Variants in ITGAV observed in about 807,000 individuals in gnomAD.
ITGAV encodes the protein integrin alpha-V.
In ITGAV, 76 loss-of-function variants were observed where a neutral mutation model predicts 143.8. The ratio of observed to expected loss-of-function variants is 0.53; its 90% CI spans 0.44 to 0.64. The LOEUF is 0.64. Among genes scored for constraint, ITGAV ranks in the 30% least tolerant of loss-of-function variants. The probability of loss-of-function intolerance (pLI) is 0.00; values close to 1 mark genes in which losing one functional copy is unlikely to be tolerated. For synonymous variants in ITGAV, 453 were observed against 446.7 expected (o/e 1.01, Z -0.18); for missense variants, 1,193 against 1,274.7 (o/e 0.94, Z 0.98).
intron 13 of ITGAV, among the ~76,000 whole-genome samples, chr2:186,647,555 C>G (rs1328298195): frequency 6.6e-6 from 1 of 151,662 alleles, no homozygotes; most frequent in Non-Finnish European, 1.5e-5. Context: ...ATTTTTTTTT[C>G]AAGTATATTA....
intron 2 of ITGAV, among the ~76,000 whole-genome samples, chr2:186,618,861 A>G (rs947863292): frequency 2.0e-5 from 3 of 152,198 alleles, no homozygotes; most frequent in Non-Finnish European, 2.9e-5. Context: ...CTCCAAAACT[A>G]CAAATGGAAC....
intron 29 of ITGAV, 49 bp from the exon 30 acceptor site, chr2:186,677,148 G>A (rs200953885): frequency 1.4e-5 from 22 of 1,522,378 alleles, no homozygotes; most frequent in African/African-American, 2.8e-5. Flanking sequence ...AATACTTTTC[G>A]TATTCTACAC....
At chr2:186,668,724 T>C in intron 24 of ITGAV, 38 bp from the exon 25 acceptor site, 1 of 1,593,220 alleles carries the variant, frequency 6.3e-7, no homozygotes. Context: ...AACAGATTTT[T>C]GCCCAAGGTG....
At chr2:186,664,352 A>T in intron 19 of ITGAV, 142 bp from the exon 20 acceptor site, 1 of 745,262 alleles carries the variant, frequency 1.3e-6, no homozygotes, top group Non-Finnish European at 2.1e-6. Context: ...GTTTTCTATC[A>T]AGCTGTGAAG....
chr2:186,617,587 C>T (rs1687401051), intron 2 of ITGAV, among the ~76,000 whole-genome samples: 1 of 152,072 alleles, frequency 6.6e-6, no homozygotes, highest in Non-Finnish European at 1.5e-5. Flanking sequence ...AAGTTTTCCT[C>T]TGTATTTTTG....
chr2:186,625,678 T>TGA (rs1553501192), intron 4 of ITGAV, 91 bp downstream of exon 4: 436 of 452,908 alleles, frequency 9.6e-4, no homozygotes, highest in Middle Eastern at 1.6e-3. Flanking sequence ...TGTGTGTGTG[T>TGA]GAGAGAGAGA....
chr2:186,634,422 A>G (rs763073196), intron 6 of ITGAV, among the ~76,000 whole-genome samples: 3 of 150,934 alleles, frequency 2.0e-5, no homozygotes, highest in Non-Finnish European at 2.9e-5. Context: ...ATTTTACTCT[A>G]TTTTCTACAC....
At chr2:186,676,517 T>A (rs1001565240) in intron 28 of ITGAV, among the ~76,000 whole-genome samples, 1 of 151,954 alleles carries the variant, frequency 6.6e-6, no homozygotes, top group Non-Finnish European at 1.5e-5. Context: ...AGCATGGAGG[T>A]TGCAGTGAGC....
chr2:186,612,700 T>A (rs1046864243), intron 2 of ITGAV, among the ~76,000 whole-genome samples: 11 of 152,204 alleles, frequency 7.2e-5, no homozygotes, highest in African/African-American at 2.4e-4. Context: ...CTCGTTGCAA[T>A]TAAAACACTC....
chr2:186,639,626 G>A (rs993223908), intron 10 of ITGAV, among the ~76,000 whole-genome samples: 1 of 152,140 alleles, frequency 6.6e-6, no homozygotes, highest in African/African-American at 2.4e-5. Flanking sequence ...AGTGGGAAGC[G>A]TGGCTTTTAG....
intron 4 of ITGAV, 125 bp downstream of exon 4, chr2:186,625,712 TATG>T (rs1293307607): frequency 4.6e-5 from 22 of 481,624 alleles, no homozygotes; most frequent in Admixed American, 7.6e-5. Context: ...ATAGACATAT[TATG>T]ATGATAACAA....
chr2:186,624,896 T>C (rs1289241094), intron 3 of ITGAV, among the ~76,000 whole-genome samples: 3 of 152,014 alleles, frequency 2.0e-5, no homozygotes, highest in Non-Finnish European at 4.4e-5. Flanking sequence ...ACCTTTAGCA[T>C]AGCATATTAC....
intron 2 of ITGAV, 152 bp downstream of exon 2, chr2:186,602,303 A>G (rs1036038732): frequency 6.7e-6 from 4 of 597,054 alleles, no homozygotes; most frequent in Admixed American, 7.0e-5. Context: ...GATTTATTAT[A>G]TGATTTTTTC....
chr2:186,601,928 TAATATC>T (rs1255283890), intron 1 of ITGAV, 87 bp from the exon 2 acceptor site: 3 of 1,267,092 alleles, frequency 2.4e-6, no homozygotes, highest in Non-Finnish European at 3.2e-6. Context: ...TATTTATAGA[TAATATC>T]AAGAGAATGA....
intron 5 of ITGAV, among the ~76,000 whole-genome samples, chr2:186,632,427 C>T (rs573450600): frequency 1.3e-3 from 198 of 151,900 alleles, no homozygotes; most frequent in African/African-American, 4.4e-3. Context: ...AGTTCTTTTA[C>T]GTAGCCAAGG....
Position 186,678,302 on chromosome 2 carries a change from CTG to C in ITGAV, c.*1012_*1013del, listed in dbSNP as rs1689268690. On this transcript the variant is annotated 3_prime_UTR_variant, in exon 30 of 30. Coordinates refer to ENST00000261023, the MANE Select transcript of ITGAV (RefSeq NM_002210.5). ...TGTACTTTTCCTTATATTTCCAAAA[CTG>C]TTACTGAGAATGGGTCAAGATCAGT... 1.3e-5 allele frequency: 2 copies of C among 153,718 alleles called. No homozygotes were observed. Among genetic ancestry groups the C allele is most frequent in the South Asian group, 4.0e-4 (2 of 4,978 alleles). 9.5% of individuals were successfully genotyped at this position (153,718 alleles called of 1,614,324 possible). A position where few individuals can be genotyped will look rare whatever the true frequency, so the allele number is the denominator to read the frequency against.
intron 2 of ITGAV, among the ~76,000 whole-genome samples, chr2:186,617,669 A>G (rs1687403127): frequency 6.6e-6 from 1 of 152,192 alleles, no homozygotes; most frequent in African/African-American, 2.4e-5. Flanking sequence ...TATTAGAGAA[A>G]GAGATTTAAA....
At chr2:186,610,631 G>A (rs1360175262) in intron 2 of ITGAV, among the ~76,000 whole-genome samples, 1 of 152,078 alleles carries the variant, frequency 6.6e-6, no homozygotes, top group Non-Finnish European at 1.5e-5. Context: ...GCATAATGAC[G>A]GAATAGTTTT....
At chr2:186,642,057 CA>C (rs1688117995) in intron 12 of ITGAV, among the ~76,000 whole-genome samples, 1 of 152,116 alleles carries the variant, frequency 6.6e-6, no homozygotes, top group South Asian at 2.1e-4. Flanking sequence ...TGTAGCTGTC[CA>C]AAATGTTCTA....
Sources: allele counts gnomAD v4.1 joint callset (sites outside exome capture counted in the v4.1 genomes callset), GRCh38; gene constraint gnomAD v4.1.1; transcripts MANE v1.5; gene names NCBI Gene and HGNC (gene_info 2026-07-23, HGNC 2026-07-21).